GPC6: variants seen among roughly 807,000 people sequenced by gnomAD.
The protein encoded by GPC6 is glypican 6, also known as glypican-6.
Under a neutral mutation model 55.2 loss-of-function variants are expected in GPC6, and 14 were observed. The observed-to-expected ratio is 0.25, with a 90% CI of 0.17 to 0.40. The LOEUF (loss-of-function observed/expected upper bound fraction) is 0.40. GPC6 is among the 10% of genes least tolerant of loss of function. The probability of loss-of-function intolerance (pLI) is 1.00; values close to 1 mark genes in which losing one functional copy is unlikely to be tolerated. For missense variants in GPC6, 641 were observed against 708.5 expected (o/e 0.90, Z 1.08); for synonymous variants, 278 against 259.6 (o/e 1.07, Z -0.68).
At chr13:93,449,504 C>T (rs866908069) in intron 1 of GPC6, among the ~76,000 whole-genome samples, 1 of 152,066 alleles carries the variant, frequency 6.6e-6, no homozygotes, top group African/African-American at 2.4e-5. Flanking sequence ...ATAATAACAC[C>T]CTCTTTTATT....
At chr13:93,503,841 G>A (rs1880610906) in intron 1 of GPC6, among the ~76,000 whole-genome samples, 1 of 152,082 alleles carries the variant, frequency 6.6e-6, no homozygotes, top group Non-Finnish European at 1.5e-5. Context: ...GTTACAGAGA[G>A]GTTGTGACAT....
chr13:93,478,575 C>T (rs1157375621), intron 1 of GPC6, among the ~76,000 whole-genome samples: 1 of 152,146 alleles, frequency 6.6e-6, no homozygotes, highest in African/African-American at 2.4e-5. Context: ...CCTCCTCCTT[C>T]AGAGTATTTA....
At chr13:93,292,752 T>G (rs1240049863) in intron 1 of GPC6, among the ~76,000 whole-genome samples, 1 of 152,186 alleles carries the variant, frequency 6.6e-6, no homozygotes, top group Non-Finnish European at 1.5e-5. Context: ...AGTAAGAAAC[T>G]TAAGATAATT....
intron 3 of GPC6, among the ~76,000 whole-genome samples, chr13:93,885,664 A>G (rs1875279034): frequency 6.6e-6 from 1 of 152,178 alleles, no homozygotes; most frequent in Non-Finnish European, 1.5e-5. Context: ...TACCTCCTCC[A>G]TGAGGTTTAT....
At chr13:93,489,565 A>G (rs1594206948) in intron 1 of GPC6, among the ~76,000 whole-genome samples, 1 of 151,282 alleles carries the variant, frequency 6.6e-6, no homozygotes, top group Non-Finnish European at 1.5e-5. Flanking sequence ...CTTGGGCAGT[A>G]TGGCCATTTT....
In GPC6 at chr13:94,092,190, C is replaced by T. The variant is rs187732375; in HGVS notation, c.877+64296C>T. 2.0e-4 allele frequency among the ~76,000 whole-genome samples: 31 copies of T among 151,646 alleles called. 1 individual carries two copies. The East Asian group carries it at 4.1e-3, about 20-fold the overall frequency. On this transcript the variant is annotated intron_variant, in intron 4 of 8. Transcript: ENST00000377047. ...ACTGTCTTAGCAGATTTCAAGTATA[C>T]GATAGATTATTAACTATAATCACTG...
At chr13:93,941,265 G>C (rs1489632039) in intron 3 of GPC6, among the ~76,000 whole-genome samples, 2 of 152,184 alleles carry the variant, frequency 1.3e-5, no homozygotes, top group Non-Finnish European at 2.9e-5. Context: ...AATAGAAGCT[G>C]AAAAGTATAT....
At chr13:93,783,602 C>T (rs1009805530) in intron 2 of GPC6, among the ~76,000 whole-genome samples, 2 of 146,372 alleles carry the variant, frequency 1.4e-5, no homozygotes, top group Non-Finnish European at 1.5e-5. Flanking sequence ...ATCTATCTAT[C>T]TAAATAAGAG....
chr13:93,937,814 A>G (rs190271403), intron 3 of GPC6, among the ~76,000 whole-genome samples: 3 of 152,246 alleles, frequency 2.0e-5, no homozygotes, highest in Admixed American at 1.3e-4. Flanking sequence ...CCTGACCCCA[A>G]GTGATCCTTC....
chr13:93,688,556 A>G (rs3848069), intron 2 of GPC6, among the ~76,000 whole-genome samples: 151,512 of 152,170 alleles, frequency 1, 75,430 homozygotes, highest in East Asian at 1. Flanking sequence ...AACAAAATGC[A>G]CTATATACAC....
chr13:93,220,754 A>C, the GPC6 span, among the ~76,000 whole-genome samples: 1 of 152,244 alleles, frequency 6.6e-6, no homozygotes, highest in Non-Finnish European at 1.5e-5. Flanking sequence ...TTTTGAAAGT[A>C]AATATTTGGT....
rs371150643 is a variant in GPC6 at position 93,542,230 on chromosome 13, C to G, written c.161-3033C>G. On this transcript the variant is annotated intron_variant, in intron 1 of 8. Transcript: ENST00000377047. The stretch of plus-strand genomic sequence containing the variant: ...GTGTAAGGAAGGGATCCAGTTTCAG[C>G]TTTCTACATATGGCTAGCCAGTTTT... Among the ~76,000 whole-genome samples the G allele has an allele frequency of 3.3e-5, 5 of 152,304 alleles. No homozygotes were observed. The South Asian group carries it at 1.0e-3, about 32-fold the overall frequency.
At chr13:93,801,960 A>T (rs549472830) in intron 2 of GPC6, among the ~76,000 whole-genome samples, 12 of 152,282 alleles carry the variant, frequency 7.9e-5, no homozygotes, top group African/African-American at 2.6e-4. Context: ...CATGCTGCAA[A>T]TGAATGAATG....
chr13:93,257,176 T>C (rs552118440), intron 1 of GPC6, among the ~76,000 whole-genome samples: 6 of 151,996 alleles, frequency 3.9e-5, no homozygotes, highest in Admixed American at 6.6e-5. Flanking sequence ...TGGTACATGC[T>C]TGTAGTCCCA....
chr13:93,843,415 G>A (rs1226976990), intron 3 of GPC6, among the ~76,000 whole-genome samples: 1 of 152,016 alleles, frequency 6.6e-6, no homozygotes, highest in East Asian at 1.9e-4. Flanking sequence ...CATTCAAAAG[G>A]GAAAAGAAAG....
At chr13:93,648,342 T>C (rs1286962243) in intron 2 of GPC6, among the ~76,000 whole-genome samples, 1 of 152,172 alleles carries the variant, frequency 6.6e-6, no homozygotes, top group African/African-American at 2.4e-5. Context: ...TAAAATTGAT[T>C]TTTGAGTGTT....
At chr13:93,364,210 C>A (rs1312333768) in intron 1 of GPC6, among the ~76,000 whole-genome samples, 1 of 151,802 alleles carries the variant, frequency 6.6e-6, no homozygotes, top group Non-Finnish European at 1.5e-5. Context: ...AGTCCTTGCC[C>A]ATGCCTGTGT....
rs780046106 is a variant in GPC6, at chr13:94,027,866, C to T, written c.849C>T (p.Asp283=). ...VMKGCLANQA[D]LDTEWNLFID... ...AGGGCTGCTTGGCAAATCAGGCTGACCTCGACACAGAGTGGAATCTGTTTA... is the reference window on the plus strand; with the variant it reads ...AGGGCTGCTTGGCAAATCAGGCTGATCTCGACACAGAGTGGAATCTGTTTA... The change falls in exon 4 of 9, where the codon GAC becomes GAT. Residue 283 remains aspartate, a synonymous_variant. Coordinates refer to ENST00000377047, the MANE Select transcript of GPC6 (RefSeq NM_005708.5). 6.2e-7 allele frequency: 1 copy of T among 1,613,996 alleles called. No homozygotes were observed.
chr13:94,062,274 C>T (rs1335782565), intron 4 of GPC6, among the ~76,000 whole-genome samples: 3 of 151,622 alleles, frequency 2.0e-5, no homozygotes, highest in South Asian at 2.1e-4. Flanking sequence ...CTTTTTGAGA[C>T]GGAGTCTTAC....
Sources: allele counts gnomAD v4.1 joint callset (sites outside exome capture counted in the v4.1 genomes callset), GRCh38; gene constraint gnomAD v4.1.1; transcripts MANE v1.5; gene names NCBI Gene and HGNC (gene_info 2026-07-23, HGNC 2026-07-21).